Variants in DPP3 observed in about 807,000 individuals in gnomAD.
The protein encoded by DPP3 is DPP III.
Under a neutral mutation model 89.8 loss-of-function variants are expected in DPP3, and 64 were observed. The observed-to-expected ratio is 0.71, with a 90% CI of 0.58 to 0.88. The LOEUF (loss-of-function observed/expected upper bound fraction) is 0.88. DPP3 is among the 40% of genes least tolerant of loss of function. The pLI, the probability that DPP3 is intolerant of heterozygous loss-of-function variation, is 0.00. For missense variants in DPP3, 835 were observed against 972.5 expected (o/e 0.86, Z 1.88); for synonymous variants, 377 against 404.3 (o/e 0.93, Z 0.81).
rs1855514704 is a variant in DPP3 at position 66,495,645 on chromosome 11, G to A, written c.1593G>A (p.Glu531=). 3.7e-6 allele frequency: 6 copies of A among 1,614,184 alleles called. No homozygotes were observed. The highest frequency in any genetic ancestry group is 1.3e-5 in the African/African-American group (1 of 75,054). The part of the protein sequence containing the change: ...HPQVLEIFGF[E]GADAEDVIYV... ...CCTCTCACAGGATCTTTGGCTTTGA[G>A]GGGGCTGATGCGGAGGACGTGATCT... The change falls in exon 15 of 18, where the codon GAG becomes GAA. Residue 531 remains glutamate, a synonymous_variant. Coordinates refer to ENST00000531863, the MANE Select transcript of DPP3 (RefSeq NM_130443.4).
chr11:66,495,283 A>T lies in DPP3; in HGVS notation c.1452+15A>T. On this transcript the variant is annotated intron_variant, in intron 13 of 17. Coordinates refer to ENST00000531863, the MANE Select transcript of DPP3 (RefSeq NM_130443.4). ...CGGGCGAGCAGGTGAGGGAGGCCTC[A>T]GCAGAGCCCCAGGGTACTGGGAGGG... is the stretch of plus-strand genomic sequence containing the variant. 2 of 1,613,720 alleles carry T rather than the reference A, an allele frequency of 1.2e-6. No homozygotes were observed. The highest frequency in any genetic ancestry group is 1.7e-6 in the Non-Finnish European group (2 of 1,180,028).
intron 16 of DPP3, among the ~76,000 whole-genome samples, chr11:66,501,220 G>A (rs895269758): frequency 1.3e-5 from 2 of 151,550 alleles, no homozygotes; most frequent in African/African-American, 4.8e-5. Flanking sequence ...AGTTAGCCAG[G>A]CATGGTGGCG....
chr11:66,493,229 A>C (rs1590738922), intron 11 of DPP3, 50 bp downstream of exon 11: 7 of 1,497,856 alleles, frequency 4.7e-6, no homozygotes, highest in African/African-American at 4.1e-5. Flanking sequence ...CTTCCTCAGC[A>C]GACTCAGGAA....
chr11:66,496,151 G>T (rs1373304301), intron 15 of DPP3, among the ~76,000 whole-genome samples: 1 of 152,238 alleles, frequency 6.6e-6, no homozygotes, highest in Non-Finnish European at 1.5e-5. Context: ...GGCAGAGCCA[G>T]GATTCGCATC....
chr11:66,490,145 T>TAAAAAAAAAAAAAAAAAAAAAAAA (rs201526861), intron 6 of DPP3, among the ~76,000 whole-genome samples: 1 of 94,826 alleles, frequency 1.1e-5, no homozygotes, highest in Non-Finnish European at 2.3e-5. Context: ...AGATCCTATC[T>TAAAAAAAAAAAAAAAAAAAAAAAA]AAAAAAAAAA....
chr11:66,485,723 A>C (rs749259012), intron 3 of DPP3, among the ~76,000 whole-genome samples: 4 of 152,236 alleles, frequency 2.6e-5, no homozygotes, highest in Non-Finnish European at 5.9e-5. Context: ...CATCTGATTC[A>C]GCAGGTCTGT....
intron 16 of DPP3, among the ~76,000 whole-genome samples, chr11:66,501,825 C>CAAAAAAAAAAA (rs35196491): frequency 1.1e-4 from 9 of 84,442 alleles, no homozygotes; most frequent in Non-Finnish European, 9.5e-5. Flanking sequence ...ACTTTGTCTC[C>CAAAAAAAAAAA]AAAAAAAAAA....
chr11:66,500,060 A>G (rs1211080817), intron 16 of DPP3, among the ~76,000 whole-genome samples: 2 of 152,164 alleles, frequency 1.3e-5, no homozygotes, highest in Non-Finnish European at 2.9e-5. Context: ...TAAAATAAAT[A>G]AAGAACTTTT....
chr11:66,487,527 G>A (rs1855265003), intron 5 of DPP3, among the ~76,000 whole-genome samples, 185 bp downstream of exon 5: 1 of 152,136 alleles, frequency 6.6e-6, no homozygotes, highest in Non-Finnish European at 1.5e-5. Context: ...CGAGGAACCA[G>A]GACCTCAGGC....
intron 1 of DPP3, among the ~76,000 whole-genome samples, chr11:66,481,485 G>A (rs1295923708): frequency 2.0e-5 from 3 of 151,792 alleles, no homozygotes; most frequent in Admixed American, 6.6e-5. Context: ...GTGAGACTCC[G>A]TCTTAAAAAA....
intron 11 of DPP3, 134 bp from the exon 12 acceptor site, chr11:66,493,407 G>A (rs1378708703): frequency 4.3e-6 from 4 of 934,058 alleles, no homozygotes; most frequent in South Asian, 3.3e-5. Flanking sequence ...GAAATGGGCT[G>A]TGGGGTGGAG....
At chr11:66,491,430 GGCA>G (rs1405239708) in intron 7 of DPP3, 47 bp downstream of exon 7, 1 of 1,605,242 alleles carries the variant, frequency 6.2e-7, no homozygotes, top group South Asian at 1.1e-5. Flanking sequence ...GACCCCTCTG[GGCA>G]GCAGAGCGGG....
intron 4 of DPP3, 92 bp from the exon 5 acceptor site, chr11:66,487,176 G>GGTA (rs1855253834): frequency 7.9e-7 from 1 of 1,270,890 alleles, no homozygotes; most frequent in African/African-American, 1.5e-5. Context: ...GCTGCTGAAA[G>GGTA]GAGGGAGGGG....
At chr11:66,507,693 T>G (rs1286868175) in intron 17 of DPP3, among the ~76,000 whole-genome samples, 1 of 151,162 alleles carries the variant, frequency 6.6e-6, no homozygotes, top group African/African-American at 2.4e-5. Flanking sequence ...AAAAGTTTTT[T>G]TTTTTTTTTT....
At chr11:66,486,965 G>T (rs1855246563) in intron 4 of DPP3, among the ~76,000 whole-genome samples, 1 of 152,150 alleles carries the variant, frequency 6.6e-6, no homozygotes. Flanking sequence ...CTGAGGAGGG[G>T]ATGGCAGGGA....
intron 12 of DPP3, among the ~76,000 whole-genome samples, chr11:66,494,970 G>T (rs1055474047): frequency 6.6e-6 from 1 of 152,180 alleles, no homozygotes. Context: ...TTTCCTCTCT[G>T]TGTGGTGGGG....
intron 1 of DPP3, 23 bp downstream of exon 1, chr11:66,480,488 T>C: frequency 6.8e-7 from 1 of 1,479,322 alleles, no homozygotes. Flanking sequence ...GCCTGGGCTT[T>C]TGGGGTCAAA....
chr11:66,487,151 G>A, intron 4 of DPP3, 117 bp from the exon 5 acceptor site: 2 of 913,024 alleles, frequency 2.2e-6, no homozygotes, highest in South Asian at 2.9e-5. Flanking sequence ...GTAGATGGAG[G>A]GGTAAGGGGT....
At chr11:66,481,366 T>A (rs1855075127) in intron 1 of DPP3, among the ~76,000 whole-genome samples, 1 of 152,176 alleles carries the variant, frequency 6.6e-6, no homozygotes, top group Non-Finnish European at 1.5e-5. Flanking sequence ...GATGCACGCC[T>A]GTAGTCCCAA....
Sources: allele counts gnomAD v4.1 joint callset (sites outside exome capture counted in the v4.1 genomes callset), GRCh38; gene constraint gnomAD v4.1.1; transcripts MANE v1.5; gene names NCBI Gene and HGNC (gene_info 2026-07-23, HGNC 2026-07-21).